Variants in ART3 observed in about 807,000 individuals in gnomAD.
The protein encoded by ART3 is ecto-ADP-ribosyltransferase 3.
In ART3, 49 loss-of-function variants were observed where a neutral mutation model predicts 48.5. The ratio of observed to expected loss-of-function variants is 1.01; its 90% CI spans 0.80 to 1.28. The LOEUF is 1.28. Ranked by LOEUF, ART3 falls within the 50% of genes most tolerant of loss-of-function variation. The probability of loss-of-function intolerance (pLI) is 0.00; values close to 1 mark genes in which losing one functional copy is unlikely to be tolerated. For missense variants in ART3, 438 were observed against 454.3 expected, an observed-to-expected ratio of 0.96 and a Z score of 0.33; for synonymous variants, 145 against 157.2, an observed-to-expected ratio of 0.92 and a Z score of 0.58.
intron 3 of ART3, among the ~76,000 whole-genome samples, chr4:76,091,832 C>T (rs1345523126): frequency 6.6e-6 from 1 of 152,088 alleles, no homozygotes; most frequent in African/African-American, 2.4e-5. Context: ...CAGGCATGTG[C>T]CATCACGCCT....
intron 1 of ART3, among the ~76,000 whole-genome samples, chr4:76,055,052 G>C (rs1423102271): frequency 6.6e-6 from 1 of 152,186 alleles, no homozygotes; most frequent in Admixed American, 6.5e-5. Context: ...TGAGATTACA[G>C]GCGTGAGCCA....
At chr4:76,091,299 G>T (rs538532472) in intron 3 of ART3, among the ~76,000 whole-genome samples, 1 of 152,334 alleles carries the variant, frequency 6.6e-6, no homozygotes, top group South Asian at 2.1e-4. Context: ...AGGTATATGT[G>T]TAACTTTGGA....
rs376643124 is a variant in ART3, at chr4:76,081,990, C to T, written c.236C>T (p.Ala79Val). Residue 79 changes from alanine (A) to valine (V), a missense_variant, in exon 3 of 12, where the codon GCC (alanine) becomes GTC (valine). Physicochemically the swap from Ala to Val is moderately conservative, Grantham distance 64. Transcript: ENST00000355810. Reference sequence around the variant, plus strand: ...GAAAATGCAAAAGCCAAATGGGCAGCCCGAAAGACTCAAATCTTTCTCCCT... The same window carrying T: ...GAAAATGCAAAAGCCAAATGGGCAGTCCGAAAGACTCAAATCTTTCTCCCT... ...VWENAKAKWA[A>V]RKTQIFLPMN... 1 of 1,614,032 alleles carries T rather than the reference C, an allele frequency of 6.2e-7. No individual in the cohort carries two copies. The highest frequency in any genetic ancestry group is 1.3e-5 in the African/African-American group (1 of 74,914).
intron 1 of ART3, among the ~76,000 whole-genome samples, chr4:76,038,635 G>A (rs1734660143): frequency 6.6e-6 from 1 of 152,154 alleles, no homozygotes; most frequent in Non-Finnish European, 1.5e-5. Flanking sequence ...TAGAAACACA[G>A]TAGAGCATAG....
intron 2 of ART3, among the ~76,000 whole-genome samples, chr4:76,077,868 G>A (rs1362143106): frequency 6.6e-6 from 1 of 152,034 alleles, no homozygotes; most frequent in African/African-American, 2.4e-5. Flanking sequence ...CATGTTACTT[G>A]GTTTTTCATC....
intron 2 of ART3, among the ~76,000 whole-genome samples, chr4:76,078,538 A>G (rs1260602225): frequency 6.6e-6 from 1 of 152,206 alleles, no homozygotes; most frequent in East Asian, 1.9e-4. Context: ...AAACTGACCT[A>G]CAAACCCAGG....
At chr4:76,061,048 A>T (rs1265190815) in intron 1 of ART3, among the ~76,000 whole-genome samples, 1 of 152,198 alleles carries the variant, frequency 6.6e-6, no homozygotes, top group African/African-American at 2.4e-5. Flanking sequence ...AATGTGTATT[A>T]TTTTAAGCCA....
intron 4 of ART3, 32 bp downstream of exon 4, chr4:76,097,708 T>C (rs767035485): frequency 3.2e-6 from 5 of 1,561,312 alleles, no homozygotes; most frequent in African/African-American, 2.7e-5. Flanking sequence ...ATCCCTATAA[T>C]AGGAATTTTA....
rs544351583 is a variant in ART3, at chr4:76,040,528, G to GC, written c.-10+29213dup. Among the ~76,000 whole-genome samples, 273 of 47,268 alleles carry GC rather than the reference G, an allele frequency of 5.8e-3. 9 individuals are homozygous for GC. The highest frequency in any genetic ancestry group is 0.023 in the African/African-American group (235 of 10,394). The allele number at this position is 47,268 out of a possible 152,430, so 31.0% of individuals were successfully genotyped here. On this transcript the variant is annotated intron_variant, in intron 1 of 9. Coordinates refer to the ART3 transcript ENST00000341029. Reference sequence around the variant, plus strand: ...CAGACTATATCAGGTTCTCCCCCCCGCCCCCTCCATGTGTCAGGGACTATA... The same window carrying GC: ...CAGACTATATCAGGTTCTCCCCCCCGCCCCCCTCCATGTGTCAGGGACTATA...
upstream of ART3, among the ~76,000 whole-genome samples, chr4:76,072,826 G>C (rs1299946019): frequency 6.6e-6 from 1 of 151,934 alleles, no homozygotes; most frequent in Non-Finnish European, 1.5e-5. Flanking sequence ...AACAAAAGTA[G>C]GCATATTCTT....
At chr4:76,046,169 C>G (rs542890301) in intron 1 of ART3, among the ~76,000 whole-genome samples, 1 of 151,996 alleles carries the variant, frequency 6.6e-6, no homozygotes, top group Non-Finnish European at 1.5e-5. Flanking sequence ...ATCCCTAAAC[C>G]CTTGGGGCAA....
chr4:76,084,825 A>C (rs753529047), intron 3 of ART3, among the ~76,000 whole-genome samples: 6 of 152,212 alleles, frequency 3.9e-5, no homozygotes, highest in Non-Finnish European at 8.8e-5. Context: ...TAAATACTTG[A>C]GGAGAAGCCA....
At chr4:76,099,321 T>A (rs1726748825) in intron 5 of ART3, 1 of 293,134 alleles carries the variant, frequency 3.4e-6, no homozygotes, top group South Asian at 3.6e-5. Flanking sequence ...ATAATAATAA[T>A]CCTTACCTGG....
intron 1 of ART3, among the ~76,000 whole-genome samples, chr4:76,029,303 T>G (rs1054332209): frequency 6.6e-6 from 1 of 152,220 alleles, no homozygotes; most frequent in African/African-American, 2.4e-5. Context: ...GGATTTATTA[T>G]ATAGAGTCTA....
intron 2 of ART3, among the ~76,000 whole-genome samples, chr4:76,079,321 G>A (rs954352498): frequency 6.6e-6 from 1 of 152,140 alleles, no homozygotes; most frequent in Admixed American, 6.5e-5. Context: ...TGTCTGAGAA[G>A]GAAATATGTA....
chr4:76,067,862 G>T (rs891584595), intron 1 of ART3, among the ~76,000 whole-genome samples: 3 of 152,140 alleles, frequency 2.0e-5, no homozygotes, highest in African/African-American at 7.2e-5. Flanking sequence ...GCGGTCATTG[G>T]CCTTCCCCGA....
intron 2 of ART3, among the ~76,000 whole-genome samples, chr4:76,079,902 A>ACTCT (rs201592519): frequency 3.4e-5 from 5 of 147,108 alleles, no homozygotes; most frequent in African/African-American, 4.9e-5. Context: ...TCTCTCTTTC[A>ACTCT]CTCTCTCTCT....
rs1487228910 is a variant in ART3 at position 76,034,866 on chromosome 4, C to T, written c.-10+23546C>T. 5.3e-6 allele frequency: 8 copies of T among 1,510,300 alleles called. No homozygotes were observed. In the East Asian group the frequency reaches 1.8e-4, roughly 34 times the overall value. 93.6% of individuals were successfully genotyped at this position (1,510,300 alleles called of 1,614,324 possible). On this transcript the variant is annotated intron_variant, in intron 1 of 9. Coordinates refer to the ART3 transcript ENST00000341029. Reference sequence around the variant, plus strand: ...ATTTACTTGGGCTGTTCTTGTTTCCCCCAGGACATCTAAAAACATGTAGTA... The same window carrying T: ...ATTTACTTGGGCTGTTCTTGTTTCCTCCAGGACATCTAAAAACATGTAGTA...
chr4:76,093,264 A>G (rs1444514070), intron 3 of ART3, among the ~76,000 whole-genome samples: 1 of 152,164 alleles, frequency 6.6e-6, no homozygotes, highest in African/African-American at 2.4e-5. Flanking sequence ...TCTACAAAAA[A>G]TAAAATAAAA....
Sources: allele counts gnomAD v4.1 joint callset (sites outside exome capture counted in the v4.1 genomes callset), GRCh38; gene constraint gnomAD v4.1.1; transcripts MANE v1.5; gene names NCBI Gene and HGNC (gene_info 2026-07-23, HGNC 2026-07-21).